The following SOWAHA variants were observed in gnomAD, a reference collection of about 807,000 sequenced individuals.
SOWAHA encodes the protein ankyrin repeat domain-containing protein SOWAHA.
Under a neutral mutation model 21.1 loss-of-function variants are expected in SOWAHA, and 17 were observed. The observed-to-expected ratio is 0.80, with a 90% CI of 0.55 to 1.21. The LOEUF (loss-of-function observed/expected upper bound fraction) is 1.21, where lower values mean the gene tolerates loss of function less well. Ranked by LOEUF, SOWAHA falls within the 50% of genes most tolerant of loss-of-function variation. The probability of loss-of-function intolerance (pLI) is 0.00; values close to 1 mark genes in which losing one functional copy is unlikely to be tolerated. For missense variants in SOWAHA, 862 were observed against 816.0 expected, an observed-to-expected ratio of 1.06 and a Z score of -0.69; for synonymous variants, 422 against 397.1, an observed-to-expected ratio of 1.06 and a Z score of -0.75.
rs746939823 is a variant in SOWAHA at position 132,815,108 on chromosome 5, T to G, written c.1487T>G (p.Leu496Trp). The G allele has an allele frequency of 1.2e-6, 2 of 1,614,026 alleles. No homozygotes were observed. Among genetic ancestry groups the G allele is most frequent in the Non-Finnish European group, 1.7e-6 (2 of 1,180,028 alleles). Residue 496 changes from leucine (L) to tryptophan (W), a missense_variant, in exon 1 of 1, where the codon TTG becomes TGG. Physicochemically the swap from Leu to Trp is moderately conservative, Grantham distance 61. Transcript: ENST00000378693. ...DLMLQDLARG[L>W]KKSSSFSKFL... The stretch of plus-strand genomic sequence containing the variant: ...ATGCTCCAGGACCTGGCCCGAGGCT[T>G]GAAGAAGTCGAGCTCCTTCAGCAAG...
In SOWAHA at chr5:132,816,138, T is replaced by C. The variant is rs1304730450; in HGVS notation, c.*867T>C. The C allele has an allele frequency of 1.8e-5, 3 of 167,094 alleles. No homozygotes were observed. Among genetic ancestry groups the C allele is most frequent in the Non-Finnish European group, 4.4e-5 (3 of 68,126 alleles). The allele number at this position is 167,094 out of a possible 1,614,324, so 10.4% of individuals were successfully genotyped here. ...GTTTGGCACTTGTGGGTGGCTATTT[T>C]GATTTGGCATGACTACTTAATTTTT... On this transcript the variant is annotated 3_prime_UTR_variant, in exon 1 of 1. Transcript: ENST00000378693.
rs1173676420 is a variant in SOWAHA, at chr5:132,813,621, C to T, written c.-1C>T. On this transcript the variant is annotated 5_prime_UTR_variant, in exon 1 of 1. Coordinates refer to ENST00000378693, the MANE Select transcript of SOWAHA (RefSeq NM_175873.6). ...GGGAGCCAGGAACCCAGGGCCCCAC[C>T]ATGGCGCTGGCCGCCGCCGCCGCCG... 5.8e-6 allele frequency: 6 copies of T among 1,031,640 alleles called. No homozygotes were observed. Among genetic ancestry groups the T allele is most frequent in the South Asian group, 2.4e-5 (1 of 42,374 alleles). The allele number at this position is 1,031,640 out of a possible 1,614,324, so 63.9% of individuals were successfully genotyped here.
Position 132,813,670 on chromosome 5 carries a change from G to A in SOWAHA, c.49G>A (p.Ala17Thr), listed in dbSNP as rs1467679766. 2.0e-6 allele frequency: 3 copies of A among 1,476,556 alleles called. No homozygotes were observed. In the African/African-American group the frequency reaches 4.4e-5, roughly 22 times the overall value. 91.5% of individuals were successfully genotyped at this position (1,476,556 alleles called of 1,614,324 possible). A position where few individuals can be genotyped will look rare whatever the true frequency, so the allele number is the denominator to read the frequency against. Residue 17 changes from alanine (A) to threonine (T), a missense_variant, in exon 1 of 1, where the codon GCG becomes ACG. Coordinates refer to ENST00000378693, the MANE Select transcript of SOWAHA (RefSeq NM_175873.6). ...CGCTGCGGCTGCCGGGGTGAGCCAG[G>A]CGGCGGTGCTGGGCTTCCTGCAGGA... ...AAAAAAGVSQ[A>T]AVLGFLQEHG...
chr5:132,813,476 C>T lies in SOWAHA; in HGVS notation c.-146C>T. 4.5e-6 allele frequency: 2 copies of T among 441,522 alleles called. No homozygotes were observed. The highest frequency in any genetic ancestry group is 9.6e-5 in the South Asian group (1 of 10,412). The allele number at this position is 441,522 out of a possible 1,614,324, so 27.4% of individuals were successfully genotyped here. ...CCCGGCCCAGCGGCACTGGCGCGACCGAGGTCCAGCTTCGGGGACACGCCC... is the reference window on the plus strand; with the variant it reads ...CCCGGCCCAGCGGCACTGGCGCGACTGAGGTCCAGCTTCGGGGACACGCCC... On this transcript the variant is annotated 5_prime_UTR_variant, in exon 1 of 1. It introduces an in-frame stop codon into an upstream open reading frame of the 5' UTR. Transcript: ENST00000378693.
chr5:132,814,635 G>A lies in SOWAHA; in HGVS notation c.1014G>A (p.Ala338=), dbSNP rs1159884967. The A allele has an allele frequency of 2.6e-6, 4 of 1,521,314 alleles. No homozygotes were observed. Among genetic ancestry groups the A allele is most frequent in the African/African-American group, 1.4e-5 (1 of 70,838 alleles). The allele number at this position is 1,521,314 out of a possible 1,614,324, so 94.2% of individuals were successfully genotyped here. ...HGLLLRDRGL[A]AKRDFMSGFT... ...TGCTGCTGCGCGACCGCGGCTTGGC[G>A]GCCAAGCGCGACTTCATGTCTGGCT... Residue 338 remains alanine (A), a synonymous_variant, in exon 1 of 1, where the codon GCG becomes GCA. Transcript: ENST00000378693.
Position 132,814,530 on chromosome 5 carries a change from C to A in SOWAHA, c.909C>A (p.Ser303=). ...AEELPAAPPP[S]AVPLEPSEHE... ...AGTTGCCCGCCGCGCCGCCGCCGTCCGCGGTGCCCCTGGAGCCGTCCGAGC... is the reference window on the plus strand; with the variant it reads ...AGTTGCCCGCCGCGCCGCCGCCGTCAGCGGTGCCCCTGGAGCCGTCCGAGC... Residue 303 remains serine, a synonymous_variant, in exon 1 of 1, where the codon TCC becomes TCA. Transcript: ENST00000378693. 1 of 1,369,758 alleles carries A rather than the reference C, an allele frequency of 7.3e-7. No homozygotes were observed. Among genetic ancestry groups the A allele is most frequent in the Non-Finnish European group, 9.3e-7 (1 of 1,073,158 alleles). 84.9% of individuals were successfully genotyped at this position (1,369,758 alleles called of 1,614,324 possible).
At position 132,814,538 on chromosome 5, in the gene SOWAHA, C is replaced by T. The variant is rs1484105394; in HGVS notation, c.917C>T (p.Pro306Leu). The T allele has an allele frequency of 7.1e-7, 1 of 1,400,134 alleles. No individual in the cohort carries two copies. The highest frequency in any genetic ancestry group is 9.2e-7 in the Non-Finnish European group (1 of 1,087,752). The allele number at this position is 1,400,134 out of a possible 1,614,324, so 86.7% of individuals were successfully genotyped here. A position where few individuals can be genotyped will look rare whatever the true frequency, so the allele number is the denominator to read the frequency against. Reference protein sequence around the residue: ...LPAAPPPSAVPLEPSEHEWLV... With the variant: ...LPAAPPPSAVLLEPSEHEWLV... ...GCCGCGCCGCCGCCGTCCGCGGTGC[C>T]CCTGGAGCCGTCCGAGCACGAGTGG... Residue 306 changes from proline (P) to leucine (L), a missense_variant, in exon 1 of 1, where the codon CCC (proline) becomes CTC (leucine). Coordinates refer to ENST00000378693, the MANE Select transcript of SOWAHA (RefSeq NM_175873.6).
chr5:132,814,822 G>A lies in SOWAHA; in HGVS notation c.1201G>A (p.Ala401Thr). 2 of 1,518,604 alleles carry A rather than the reference G, an allele frequency of 1.3e-6. No homozygotes were observed. The highest frequency in any genetic ancestry group is 1.8e-6 in the Non-Finnish European group (2 of 1,132,662). The allele number at this position is 1,518,604 out of a possible 1,614,324, so 94.1% of individuals were successfully genotyped here. A position where few individuals can be genotyped will look rare whatever the true frequency, so the allele number is the denominator to read the frequency against. The part of the protein sequence containing the change: ...LAALHGHEDA[A>T]VLLVVRLGAQ... ...TGCACTGCACGGCCACGAGGACGCT[G>A]CCGTGCTGCTGGTGGTGCGTCTGGG... The change falls in exon 1 of 1, where the codon GCC becomes ACC. Residue 401 changes from alanine to threonine, a missense_variant. Coordinates refer to ENST00000378693, the MANE Select transcript of SOWAHA (RefSeq NM_175873.6).
In SOWAHA at chr5:132,813,937, A is replaced by C; in HGVS notation, c.316A>C (p.Thr106Pro). The part of the protein sequence containing the change: ...PGAAAQPSKP[T>P]STVLPRSASA... ...GGCAGCGGCCCAGCCGTCGAAACCC[A>C]CTTCGACGGTCTTGCCGCGGAGCGC... The change falls in exon 1 of 1, where the codon ACT becomes CCT. Residue 106 changes from threonine to proline, a missense_variant. Thr to Pro is a conservative substitution (Grantham distance 38, BLOSUM62 -1). Transcript: ENST00000378693. 1 of 1,545,354 alleles carries C rather than the reference A, an allele frequency of 6.5e-7. No homozygotes were observed. The highest frequency in any genetic ancestry group is 1.4e-5 in the African/African-American group (1 of 72,328).
In SOWAHA at chr5:132,814,692, C is replaced by T. The variant is rs1322452567; in HGVS notation, c.1071C>T (p.Gly357=). The change falls in exon 1 of 1, where the codon GGC becomes GGT. Residue 357 remains glycine, a synonymous_variant. Coordinates refer to ENST00000378693, the MANE Select transcript of SOWAHA (RefSeq NM_175873.6). ...CCCTGCATTGGGCCGCCAAGAGCGG[C>T]GACGGCGAGATGGCGCTGCAGCTGG... The part of the protein sequence containing the change: ...FTALHWAAKS[G]DGEMALQLVE... 3 of 1,512,752 alleles carry T rather than the reference C, an allele frequency of 2.0e-6. No individual in the cohort carries two copies. Among genetic ancestry groups the T allele is most frequent in the South Asian group, 2.4e-5 (2 of 82,140 alleles). 93.7% of individuals were successfully genotyped at this position (1,512,752 alleles called of 1,614,324 possible). A position where few individuals can be genotyped will look rare whatever the true frequency, so the allele number is the denominator to read the frequency against.
Position 132,815,389 on chromosome 5 carries a change from AG to A in SOWAHA, c.*121del. 2 of 961,156 alleles carry A rather than the reference AG, an allele frequency of 2.1e-6. No homozygotes were observed. The highest frequency in any genetic ancestry group is 3.1e-6 in the Non-Finnish European group (2 of 653,318). 59.5% of individuals were successfully genotyped at this position (961,156 alleles called of 1,614,324 possible). ...CCTCATTCTGTTTCCAGCTTTGTCC[AG>A]GGCAGCCTGTTTTACCCAGATGGGC... On this transcript the variant is annotated 3_prime_UTR_variant, in exon 1 of 1. Transcript: ENST00000378693.
At position 132,815,182 on chromosome 5, in the gene SOWAHA, G is replaced by C. The variant is rs1469071927; in HGVS notation, c.1561G>C (p.Gly521Arg). 4 of 1,613,972 alleles carry C rather than the reference G, an allele frequency of 2.5e-6. No homozygotes were observed. Among genetic ancestry groups the C allele is most frequent in the Admixed American group, 1.7e-5 (1 of 60,020 alleles). The change falls in exon 1 of 1, where the codon GGT becomes CGT. Residue 521 changes from glycine (G) to arginine (R), a missense_variant. Transcript: ENST00000378693. ...TCCACGTAAAAAGACAAAGATCCGC[G>C]GTGGTCTGCCAGCCTTCTCAGAAAT... The part of the protein sequence containing the change: ...MAPRKKTKIR[G>R]GLPAFSEISR...
In SOWAHA at chr5:132,813,692, A is replaced by AG; in HGVS notation, c.73dup (p.Glu25GlyfsTer145). On this transcript the variant is annotated frameshift_variant, in exon 1 of 1. Coordinates refer to ENST00000378693, the MANE Select transcript of SOWAHA (RefSeq NM_175873.6). LOFTEE classifies it low-confidence loss of function (END_TRUNC). ...CAGGCGGCGGTGCTGGGCTTCCTGC[A>AG]GGAGCACGGCGGGAAGGTGCGCAAC... The AG allele has an allele frequency of 6.5e-7, 1 of 1,530,076 alleles. No individual in the cohort carries two copies. Among genetic ancestry groups the AG allele is most frequent in the Non-Finnish European group, 8.8e-7 (1 of 1,139,038 alleles). 94.8% of individuals were successfully genotyped at this position (1,530,076 alleles called of 1,614,324 possible).
Position 132,815,417 on chromosome 5 carries a change from T to G in SOWAHA, c.*146T>G. 3 of 658,860 alleles carry G rather than the reference T, an allele frequency of 4.6e-6. No individual in the cohort carries two copies. The highest frequency in any genetic ancestry group is 7.7e-6 in the Non-Finnish European group (3 of 387,406). The allele number at this position is 658,860 out of a possible 1,614,324, so 40.8% of individuals were successfully genotyped here. On this transcript the variant is annotated 3_prime_UTR_variant, in exon 1 of 1. Coordinates refer to ENST00000378693, the MANE Select transcript of SOWAHA (RefSeq NM_175873.6). ...GCAGCCTGTTTTACCCAGATGGGCC[T>G]GCACCTCCAGCTTCTTTCTGAAGCA...
chr5:132,815,165 A>G lies in SOWAHA; in HGVS notation c.1544A>G (p.Lys515Arg), dbSNP rs754212201. Reference sequence around the variant, plus strand: ...AGCGCCTCGCCCATGGCTCCACGTAAAAAGACAAAGATCCGCGGTGGTCTG... The same window carrying G: ...AGCGCCTCGCCCATGGCTCCACGTAGAAAGACAAAGATCCGCGGTGGTCTG... ...FLSASPMAPRKKTKIRGGLPA... is the reference protein window; with the variant it reads ...FLSASPMAPRRKTKIRGGLPA... Residue 515 changes from lysine (K) to arginine (R), a missense_variant, in exon 1 of 1, where the codon AAA (lysine) becomes AGA (arginine). By Grantham distance (26) the Lys-to-Arg change is conservative. Transcript: ENST00000378693. The G allele has an allele frequency of 1.2e-6, 2 of 1,613,910 alleles. No homozygotes were observed. Among genetic ancestry groups the G allele is most frequent in the African/African-American group, 2.7e-5 (2 of 74,916 alleles).
rs1758368903 is a variant in SOWAHA at position 132,815,067 on chromosome 5, C to A, written c.1446C>A (p.Val482=). The A allele has an allele frequency of 1.2e-6, 2 of 1,612,112 alleles. No individual in the cohort carries two copies. Among genetic ancestry groups the A allele is most frequent in the African/African-American group, 1.3e-5 (1 of 74,930 alleles). Residue 482 remains valine, a synonymous_variant, in exon 1 of 1, where the codon GTC becomes GTA. Coordinates refer to ENST00000378693, the MANE Select transcript of SOWAHA (RefSeq NM_175873.6). Reference sequence around the variant, plus strand: ...CCACCACCAGTGCATTTCTGGGCGTCCTGGCTGACGACCTCATGCTCCAGG... The same window carrying A: ...CCACCACCAGTGCATTTCTGGGCGTACTGGCTGACGACCTCATGCTCCAGG... ...LSSTTSAFLG[V]LADDLMLQDL...
chr5:132,814,449 G>A lies in SOWAHA; in HGVS notation c.828G>A (p.Pro276=). Residue 276 remains proline (P), a synonymous_variant, in exon 1 of 1, where the codon CCG becomes CCA. Transcript: ENST00000378693. Reference sequence around the variant, plus strand: ...TCGGCCTGGGCCCGGGCCGCTCCCCGCACCTGAGGCGCCTGTCGCGCGCCG... The same window carrying A: ...TCGGCCTGGGCCCGGGCCGCTCCCCACACCTGAGGCGCCTGTCGCGCGCCG... ...LGLGLGPGRS[P]HLRRLSRAGP... 6.9e-7 allele frequency: 1 copy of A among 1,459,494 alleles called. No homozygotes were observed. The highest frequency in any genetic ancestry group is 1.3e-5 in the South Asian group (1 of 76,132). 90.4% of individuals were successfully genotyped at this position (1,459,494 alleles called of 1,614,324 possible).
Position 132,815,147 on chromosome 5 carries a change from C to T in SOWAHA, c.1526C>T (p.Ser509Leu). Residue 509 changes from serine to leucine, a missense_variant, in exon 1 of 1, where the codon TCG becomes TTG. Coordinates refer to ENST00000378693, the MANE Select transcript of SOWAHA (RefSeq NM_175873.6). ...SSSFSKFLSASPMAPRKKTKI... is the reference protein window; with the variant it reads ...SSSFSKFLSALPMAPRKKTKI... ...TCCTTCAGCAAGTTCTTGAGCGCCT[C>T]GCCCATGGCTCCACGTAAAAAGACA... 1.9e-6 allele frequency: 3 copies of T among 1,614,060 alleles called. No individual in the cohort carries two copies. The highest frequency in any genetic ancestry group is 2.5e-6 in the Non-Finnish European group (3 of 1,180,026).
Position 132,814,146 on chromosome 5 carries a change from G to A in SOWAHA, c.525G>A (p.Glu175=), listed in dbSNP as rs956204207. 1.3e-6 allele frequency: 2 copies of A among 1,599,654 alleles called. No homozygotes were observed. The highest frequency in any genetic ancestry group is 1.7e-6 in the Non-Finnish European group (2 of 1,178,910). ...LPALELAQAT[E]RPSADAAPPP... ...CCCTTGAGCTAGCCCAGGCCACCGA[G>A]AGACCCTCCGCAGACGCGGCCCCAC... The change falls in exon 1 of 1, where the codon GAG becomes GAA. Residue 175 remains glutamate (E), a synonymous_variant. Coordinates refer to ENST00000378693, the MANE Select transcript of SOWAHA (RefSeq NM_175873.6).
Sources: allele counts gnomAD v4.1 joint callset, GRCh38; gene constraint gnomAD v4.1.1; transcripts MANE v1.5; gene names NCBI Gene and HGNC (gene_info 2026-07-23, HGNC 2026-07-21).